Variants in TMBIM4 observed in about 807,000 individuals in gnomAD.
TMBIM4 encodes the protein transmembrane BAX inhibitor motif containing 4.
TMBIM4 carries 28 observed loss-of-function variants against 27.7 expected under a neutral mutation model. That is an observed-to-expected ratio of 1.01 (90% CI 0.75 to 1.38). TMBIM4 has a LOEUF of 1.38. TMBIM4 is among the 40% of genes most tolerant of loss of function. The pLI is 0.00. For missense variants in TMBIM4, 265 were observed against 277.5 expected (o/e 0.95, Z 0.32); for synonymous variants, 115 against 113.1 (o/e 1.02, Z -0.11).
intron 1 of TMBIM4, among the ~76,000 whole-genome samples, chr12:66,156,960 T>C (rs759404600): frequency 2.0e-5 from 3 of 152,174 alleles, no homozygotes; most frequent in Non-Finnish European, 4.4e-5. Context: ...CTCCTGCTCT[T>C]TCTTGGATCA....
At position 66,137,877 on chromosome 12, in the gene TMBIM4, T is replaced by G. The variant is rs2051602330; in HGVS notation, c.*83A>C. The G allele has an allele frequency of 1.8e-6, 2 of 1,098,156 alleles. No individual in the cohort carries two copies. Among genetic ancestry groups the G allele is most frequent in the Non-Finnish European group, 2.7e-6 (2 of 742,114 alleles). 68.0% of individuals were successfully genotyped at this position (1,098,156 alleles called of 1,614,324 possible). On this transcript the variant is annotated 3_prime_UTR_variant, in exon 7 of 7. Coordinates refer to ENST00000358230, the MANE Select transcript of TMBIM4 (RefSeq NM_016056.4). ...CTTTATTACTTAATGAAACAGTTTC[T>G]ATATACTGCTTCCAATTACTTTAAT...
chr12:66,155,335 T>TGTGA (rs141188662), intron 1 of TMBIM4, among the ~76,000 whole-genome samples: 42 of 131,714 alleles, frequency 3.2e-4, no homozygotes, highest in African/African-American at 1.0e-3. Context: ...TGCACACGTG[T>TGTGA]GAGAGAGAGA....
chr12:66,138,026 G>T lies in TMBIM4; in HGVS notation c.651C>A (p.Leu217=), dbSNP rs781112298. ...GGAATAGATTGATGATATCCAAGTA[G>T]AGGCTGATGGCAGCTAATACGTACT... ...PEEYVLAAIS[L]YLDIINLFLH... is the part of the protein sequence containing the mutation. Residue 217 remains leucine, a synonymous_variant, in exon 7 of 7, where the codon CTC becomes CTA. Transcript: ENST00000358230. 1 of 1,614,020 alleles carries T rather than the reference G, an allele frequency of 6.2e-7. No homozygotes were observed. Among genetic ancestry groups the T allele is most frequent in the East Asian group, 2.2e-5 (1 of 44,870 alleles).
intron 3 of TMBIM4, among the ~76,000 whole-genome samples, chr12:66,149,000 A>G (rs1179251031): frequency 1.3e-5 from 2 of 152,122 alleles, no homozygotes; most frequent in African/African-American, 4.8e-5. Context: ...GCATCCCTGT[A>G]CTCCACCCTA....
At chr12:66,167,927 G>A (rs2052158801) in intron 1 of TMBIM4, among the ~76,000 whole-genome samples, 2 of 152,084 alleles carry the variant, frequency 1.3e-5, no homozygotes, top group South Asian at 4.1e-4. Context: ...GTCTTAAAAA[G>A]GAAATTCTGC....
In TMBIM4 at chr12:66,147,907, CCAA is replaced by C; in HGVS notation, c.344_346del (p.Val116del). On this transcript the variant is annotated inframe_deletion and splice_region_variant, in exon 4 of 7. Coordinates refer to ENST00000358230, the MANE Select transcript of TMBIM4 (RefSeq NM_016056.4). The stretch of plus-strand genomic sequence containing the variant: ...CATATAGAAATGCAGTTACGGCTTA[CCAA>C]CAACTGCCACAGTCAGAGCTTCCAA... 6.2e-7 allele frequency: 1 copy of C among 1,610,734 alleles called. No individual in the cohort carries two copies. The highest frequency in any genetic ancestry group is 8.5e-7 in the Non-Finnish European group (1 of 1,178,260).
rs1489713246 is a variant in TMBIM4 at position 66,136,608 on chromosome 12, T to C, written c.*1352A>G. 6.6e-6 allele frequency: 1 copy of C among 152,250 alleles called. No homozygotes were observed. The highest frequency in any genetic ancestry group is 2.4e-5 in the African/African-American group (1 of 41,392). 9.4% of individuals were successfully genotyped at this position (152,250 alleles called of 1,614,324 possible). On this transcript the variant is annotated 3_prime_UTR_variant, in exon 7 of 7. Transcript: ENST00000358230. ...GTCCTCAGTGTGGGCCCTAATCCAG[T>C]ATGACTGGTGTCCTCATAAGAAGAA...
In TMBIM4 at chr12:66,169,824, G is replaced by A. The variant is rs369027532; in HGVS notation, c.97+31C>T. 30 of 1,486,232 alleles carry A rather than the reference G, an allele frequency of 2.0e-5. No individual in the cohort carries two copies. The African/African-American group carries it at 4.2e-4, about 21-fold the overall frequency. 92.1% of individuals were successfully genotyped at this position (1,486,232 alleles called of 1,614,324 possible). ...AGAGGCCGAGCAGTGCAGACAAGCG[G>A]CTGGGAGGCACTGGAGAGGGGACAA... On this transcript the variant is annotated intron_variant, in intron 1 of 6. Coordinates refer to ENST00000358230, the MANE Select transcript of TMBIM4 (RefSeq NM_016056.4).
Position 66,153,430 on chromosome 12 carries a change from T to C in TMBIM4, c.116A>G (p.Tyr39Cys), listed in dbSNP as rs767684716. The change falls in exon 2 of 7, where the codon TAC becomes TGC. Residue 39 changes from tyrosine to cysteine, a missense_variant. Physicochemically the swap from Tyr to Cys is radical, Grantham distance 194. Transcript: ENST00000358230. ...GAGAACCTGCAGAGAAAGAATGCTG[T>C]AGACTTTTCTCAGAAAGGCTAAAAG... Reference protein sequence around the residue: ...HIRMAFLRKVYSILSLQVLLT... With the variant: ...HIRMAFLRKVCSILSLQVLLT... The C allele has an allele frequency of 6.3e-7, 1 of 1,585,184 alleles. No individual in the cohort carries two copies. Among genetic ancestry groups the C allele is most frequent in the Non-Finnish European group, 8.6e-7 (1 of 1,169,262 alleles).
chr12:66,169,374 C>A, intron 1 of TMBIM4: 1 of 633,126 alleles, frequency 1.6e-6, no homozygotes, highest in Non-Finnish European at 2.8e-6. Context: ...GAAATAGTGC[C>A]GTCAGGGAGC....
At chr12:66,138,208 C>A in intron 6 of TMBIM4, 42 bp from the exon 7 acceptor site, 2 of 1,573,870 alleles carry the variant, frequency 1.3e-6, no homozygotes, top group East Asian at 2.3e-5. Flanking sequence ...TATTTGAGAA[C>A]AGTATTAACA....
Position 66,153,411 on chromosome 12 carries a change from C to T in TMBIM4, c.135G>A (p.Gln45=). 1 of 1,599,584 alleles carries T rather than the reference C, an allele frequency of 6.3e-7. No homozygotes were observed. Among genetic ancestry groups the T allele is most frequent in the African/African-American group, 1.3e-5 (1 of 74,212 alleles). The part of the protein sequence containing the change: ...LRKVYSILSL[Q]VLLTTVTSTV... ...TTGAAGTCACTGTAGTTAAGAGAAC[C>T]TGCAGAGAAAGAATGCTGTAGACTT... The change falls in exon 2 of 7, where the codon CAG becomes CAA. Residue 45 remains glutamine (Q), a synonymous_variant. Transcript: ENST00000358230.
At chr12:66,145,283 G>A (rs926467729) in intron 5 of TMBIM4, 1 of 152,206 alleles carries the variant, frequency 6.6e-6, no homozygotes, top group African/African-American at 2.4e-5. Context: ...TTGGGTGACT[G>A]TGCCAACAGG....
chr12:66,169,158 G>A (rs925627840), intron 1 of TMBIM4: 1 of 648,388 alleles, frequency 1.5e-6, no homozygotes, highest in South Asian at 1.7e-5. Context: ...AAAGTCTGGG[G>A]CTGTTTCGGC....
At chr12:66,168,077 CA>C (rs1426851939) in intron 1 of TMBIM4, among the ~76,000 whole-genome samples, 1 of 151,896 alleles carries the variant, frequency 6.6e-6, no homozygotes, top group African/African-American at 2.4e-5. Context: ...AAAAATTAGC[CA>C]GGCCTGGTGA....
Position 66,152,316 on chromosome 12 carries a change from TAAAATCAACGCA to T in TMBIM4, c.255_266del (p.Phe85_Ile88del). 6 of 1,610,396 alleles carry T rather than the reference TAAAATCAACGCA, an allele frequency of 3.7e-6. No individual in the cohort carries two copies. Among genetic ancestry groups the T allele is most frequent in the Non-Finnish European group, 5.1e-6 (6 of 1,177,860 alleles). ...GGTTAAGGGGATACTTATGTCTGTT[TAAAATCAACGCA>T]AAAATCAAACCCAGAGATCCGAGGG... On this transcript the variant is annotated inframe_deletion, in exon 3 of 7. Coordinates refer to ENST00000358230, the MANE Select transcript of TMBIM4 (RefSeq NM_016056.4).
intron 3 of TMBIM4, among the ~76,000 whole-genome samples, chr12:66,148,537 A>G (rs2051788684): frequency 6.6e-6 from 1 of 152,196 alleles, no homozygotes; most frequent in African/African-American, 2.4e-5. Context: ...TGCTCTAAAA[A>G]CAAAGAAAGA....
At chr12:66,138,935 TC>T in intron 5 of TMBIM4, 166 bp from the exon 6 acceptor site, 1 of 1,041,062 alleles carries the variant, frequency 9.6e-7, no homozygotes, top group Non-Finnish European at 1.3e-6. Flanking sequence ...CCATCTTGGA[TC>T]TTTTTTTTAA....
In TMBIM4 at chr12:66,168,961, C is replaced by T. The variant is rs188732491; in HGVS notation, c.97+894G>A. Reference sequence around the variant, plus strand: ...TTTTTTTAAAAAAAAGCTGAGTTCACTGGCCAAAATAATTTCAAAATTCAA... The same window carrying T: ...TTTTTTTAAAAAAAAGCTGAGTTCATTGGCCAAAATAATTTCAAAATTCAA... On this transcript the variant is annotated intron_variant, in intron 1 of 6. Transcript: ENST00000358230. The T allele has an allele frequency of 7.4e-4, 158 of 212,360 alleles. 2 individuals are homozygous for T. The highest frequency in any genetic ancestry group is 3.3e-3 in the African/African-American group (141 of 42,830). The allele number at this position is 212,360 out of a possible 1,614,324, so 13.2% of individuals were successfully genotyped here. A position where few individuals can be genotyped will look rare whatever the true frequency, so the allele number is the denominator to read the frequency against.
Sources: gnomAD v4.1 joint callset for allele counts (sites outside exome capture counted in the v4.1 genomes callset) on GRCh38, gnomAD v4.1.1 for gene constraint, MANE v1.5 for transcripts, NCBI Gene and HGNC (gene_info 2026-07-23, HGNC 2026-07-21) for gene names.